Variants in GRAMD2B observed in about 807,000 individuals in gnomAD.
GRAMD2B encodes GRAM domain-containing protein 2B.
In GRAMD2B, 41 loss-of-function variants were observed where a neutral mutation model predicts 59.2. That is an observed-to-expected ratio of 0.69 (90% confidence interval 0.54 to 0.90). GRAMD2B has a LOEUF of 0.90. Among genes scored for constraint, GRAMD2B ranks in the 40% least tolerant of loss-of-function variants. The pLI, the probability that GRAMD2B is intolerant of heterozygous loss-of-function variation, is 0.00. For synonymous variants in GRAMD2B, 161 were observed against 182.7 expected (o/e 0.88, Z 0.96); for missense variants, 424 against 500.5 (o/e 0.85, Z 1.46).
At chr5:126,436,522 C>T (rs1580978605) in intron 1 of GRAMD2B, among the ~76,000 whole-genome samples, 1 of 152,158 alleles carries the variant, frequency 6.6e-6, no homozygotes. Context: ...TGCAGTGGTA[C>T]AAGCCTATAG....
At chr5:126,481,137 G>T (rs767931215) in intron 8 of GRAMD2B, among the ~76,000 whole-genome samples, 2 of 144,874 alleles carry the variant, frequency 1.4e-5, no homozygotes, top group Non-Finnish European at 3.0e-5. Flanking sequence ...ACTAATTTAT[G>T]CCTTCAGAGA....
Position 126,408,689 on chromosome 5 carries a change from C to CTT in GRAMD2B, c.125+37133_125+37134dup, listed in dbSNP as rs34569546. ...GTCCTTGCAGCTTCTGCCTGAGACTCTTTTTTTTTTTTGTTATACTTTAAG... is the reference window on the plus strand; with the variant it reads ...GTCCTTGCAGCTTCTGCCTGAGACTCTTTTTTTTTTTTTTGTTATACTTTAAG... On this transcript the variant is annotated intron_variant, in intron 1 of 8. Transcript: ENST00000506445. 5.5e-3 allele frequency among the ~76,000 whole-genome samples: 806 copies of CTT among 145,816 alleles called. 3 individuals are homozygous for CTT. The highest frequency in any genetic ancestry group is 0.012 in the African/African-American group (484 of 39,766).
chr5:126,480,878 C>A, intron 8 of GRAMD2B, 171 bp downstream of exon 8: 1 of 608,602 alleles, frequency 1.6e-6, no homozygotes, highest in Non-Finnish European at 2.9e-6. Context: ...CCATAGTAGC[C>A]ATAAACTTTT....
rs541484948 is a variant in GRAMD2B at position 126,488,980 on chromosome 5, G to A, written c.1257+88G>A. ...CAGGTCAGGGATTACACACTCAGAC[G>A]CCGTTAGTGTGCCGCAATAAACCTA... On this transcript the variant is annotated intron_variant, in intron 13 of 13. Coordinates refer to ENST00000285689, the MANE Select transcript of GRAMD2B (RefSeq NM_023927.4). The A allele has an allele frequency of 1.2e-4, 93 of 800,194 alleles. 2 individuals carry two copies. In the South Asian group the frequency reaches 1.5e-3, roughly 13 times the overall value. 49.6% of individuals were successfully genotyped at this position (800,194 alleles called of 1,614,324 possible). A position where few individuals can be genotyped will look rare whatever the true frequency, so the allele number is the denominator to read the frequency against.
In GRAMD2B at chr5:126,360,221, AAAAGCACACC is replaced by A. The variant is rs1485812952; in HGVS notation, c.-108_-99del. On this transcript the variant is annotated 5_prime_UTR_variant, in exon 1 of 14. Coordinates refer to the GRAMD2B transcript ENST00000513040. ...ACTTCTGAGATAGCACTTGTGAGCGAAAAGCACACCAACTGGCTCAAAGAGCTGTGGTTGG... is the reference window on the plus strand; with the variant it reads ...ACTTCTGAGATAGCACTTGTGAGCGAAACTGGCTCAAAGAGCTGTGGTTGG... The A allele has an allele frequency of 2.3e-6, 3 of 1,321,056 alleles. No homozygotes were observed. In the African/African-American group the frequency reaches 4.4e-5, roughly 20 times the overall value. 81.8% of individuals were successfully genotyped at this position (1,321,056 alleles called of 1,614,324 possible).
At chr5:126,399,091 A>G (rs570392113) in intron 1 of GRAMD2B, among the ~76,000 whole-genome samples, 1 of 152,264 alleles carries the variant, frequency 6.6e-6, no homozygotes, top group Non-Finnish European at 1.5e-5. Context: ...GGAAAGTTCT[A>G]TGTAAGTCTG....
chr5:126,453,997 T>A (rs956333482), intron 1 of GRAMD2B, among the ~76,000 whole-genome samples: 3 of 152,350 alleles, frequency 2.0e-5, no homozygotes, highest in Admixed American at 6.5e-5. Context: ...GAAGTCAGTA[T>A]AAAAGTGGGA....
intron 1 of GRAMD2B, among the ~76,000 whole-genome samples, chr5:126,430,796 T>C (rs1429929453): frequency 6.6e-6 from 1 of 152,234 alleles, no homozygotes; most frequent in East Asian, 1.9e-4. Flanking sequence ...TAAACATCTG[T>C]TGAATGTTGA....
intron 1 of GRAMD2B, among the ~76,000 whole-genome samples, chr5:126,459,970 G>A (rs1581129993): frequency 6.6e-6 from 1 of 152,086 alleles, no homozygotes; most frequent in Non-Finnish European, 1.5e-5. Context: ...AAGGACATTT[G>A]TTGCAATGTT....
chr5:126,360,444 G>A, exon 1 of GRAMD2B: 1 of 1,551,140 alleles, frequency 6.4e-7, no homozygotes, highest in South Asian at 1.2e-5. Context: ...AAGCCAGTGG[G>A]TCCGGACCTG....
At chr5:126,371,243 C>T (rs145941106), upstream of GRAMD2B, 6,767 of 969,582 alleles carry the variant, frequency 7.0e-3, 22 homozygotes, top group Non-Finnish European at 7.5e-3. Context: ...GGATGAAAAC[C>T]GCCCTGTGTC....
In GRAMD2B at chr5:126,477,758, G is replaced by A. The variant is rs778707425; in HGVS notation, c.553G>A (p.Ala185Thr). ...CAAAACTGCTCTTCTAGTGCCAAACGCCCTGATCATAGCAACAGTCACAGA... is the reference window on the plus strand; with the variant it reads ...CAAAACTGCTCTTCTAGTGCCAAACACCCTGATCATAGCAACAGTCACAGA... ...KTKTALLVPNALIIATVTDRY... is the reference protein window; with the variant it reads ...KTKTALLVPNTLIIATVTDRY... The change falls in exon 6 of 14, where the codon GCC becomes ACC. Residue 185 changes from alanine to threonine, a missense_variant. Coordinates refer to ENST00000285689, the MANE Select transcript of GRAMD2B (RefSeq NM_023927.4). The A allele has an allele frequency of 1.3e-5, 21 of 1,611,120 alleles. No individual in the cohort carries two copies. The highest frequency in any genetic ancestry group is 1.5e-5 in the Non-Finnish European group (18 of 1,177,462).
intron 1 of GRAMD2B, among the ~76,000 whole-genome samples, chr5:126,378,826 T>G (rs367802832): frequency 6.6e-6 from 1 of 152,218 alleles, no homozygotes; most frequent in South Asian, 2.1e-4. Flanking sequence ...AGTTTTTACT[T>G]TGCCATTTTT....
intron 1 of GRAMD2B, among the ~76,000 whole-genome samples, chr5:126,377,711 A>T (rs1034850124): frequency 2.0e-4 from 30 of 152,096 alleles, no homozygotes; most frequent in African/African-American, 7.2e-4. Context: ...TTCCAGGAAT[A>T]CTCCTACCAC....
intron 1 of GRAMD2B, among the ~76,000 whole-genome samples, chr5:126,404,360 T>C (rs1039388365): frequency 5.9e-5 from 9 of 151,846 alleles, no homozygotes; most frequent in African/African-American, 9.7e-5. Flanking sequence ...AAAGCACATA[T>C]TAGGATTACT....
intron 1 of GRAMD2B, chr5:126,360,560 A>T: frequency 8.5e-7 from 1 of 1,177,202 alleles, no homozygotes; most frequent in South Asian, 1.7e-5. Flanking sequence ...GAGTGTCTCC[A>T]CATGGAGAAT....
intron 1 of GRAMD2B, among the ~76,000 whole-genome samples, chr5:126,387,762 A>C (rs1057124845): frequency 1.4e-4 from 21 of 152,134 alleles, no homozygotes; most frequent in African/African-American, 5.1e-4. Flanking sequence ...GAGAGAAAAA[A>C]TCAACAGAGA....
intron 1 of GRAMD2B, among the ~76,000 whole-genome samples, chr5:126,448,064 C>T (rs953945870): frequency 8.6e-5 from 13 of 151,900 alleles, no homozygotes; most frequent in Non-Finnish European, 2.9e-5. Flanking sequence ...TTTCACTGAG[C>T]AGGCTGGTCT....
chr5:126,492,678 G>A (rs777611671), intron 13 of GRAMD2B, among the ~76,000 whole-genome samples: 4 of 152,052 alleles, frequency 2.6e-5, no homozygotes, highest in East Asian at 1.9e-4. Context: ...CCATGATCAC[G>A]TCACTGCATT....
Sources: gnomAD v4.1 joint callset for allele counts (sites outside exome capture counted in the v4.1 genomes callset) on GRCh38, gnomAD v4.1.1 for gene constraint, MANE v1.5 for transcripts, NCBI Gene and HGNC (gene_info 2026-07-23, HGNC 2026-07-21) for gene names.